Variants in PI4KA observed in about 807,000 individuals in gnomAD.
PI4KA encodes phosphatidylinositol 4-kinase alpha.
PI4KA carries 122 observed loss-of-function variants against 271.4 expected under a neutral mutation model. That is an observed-to-expected ratio of 0.45 (90% confidence interval 0.39 to 0.52). The LOEUF (loss-of-function observed/expected upper bound fraction) is 0.52, where lower values mean the gene tolerates loss of function less well. Among genes scored for constraint, PI4KA ranks in the 20% least tolerant of loss-of-function variants. The pLI, the probability that PI4KA is intolerant of heterozygous loss-of-function variation, is 0.00. For synonymous variants in PI4KA, 1,041 were observed against 1,078.8 expected (o/e 0.96, Z 0.69); for missense variants, 1,969 against 2,769.1 (o/e 0.71, Z 6.48).
At chr22:20,795,311 T>C (rs957348576) in intron 18 of PI4KA, among the ~76,000 whole-genome samples, 5 of 151,874 alleles carry the variant, frequency 3.3e-5, no homozygotes, top group African/African-American at 9.7e-5. Context: ...AAACACCCCC[T>C]TCCCCTTTCT....
intron 23 of PI4KA, among the ~76,000 whole-genome samples, chr22:20,754,047 G>A (rs565675864): frequency 1.3e-5 from 2 of 152,104 alleles, no homozygotes; most frequent in Non-Finnish European, 2.9e-5. Flanking sequence ...TATTACTGGT[G>A]AAGCTAACCT....
At position 20,747,506 on chromosome 22, in the gene PI4KA, C is replaced by T. The variant is rs1930245792; in HGVS notation, c.3363+77G>A. The T allele has an allele frequency of 2.6e-6, 4 of 1,517,194 alleles. No individual in the cohort carries two copies. In the African/African-American group the frequency reaches 5.5e-5, roughly 21 times the overall value. 94.0% of individuals were successfully genotyped at this position (1,517,194 alleles called of 1,614,324 possible). A position where few individuals can be genotyped will look rare whatever the true frequency, so the allele number is the denominator to read the frequency against. ...TCATGTGCGTCATGAAAAGCGACAGCCGAGCTCTAAGCCTTCCCCTGCACT... is the reference window on the plus strand; with the variant it reads ...TCATGTGCGTCATGAAAAGCGACAGTCGAGCTCTAAGCCTTCCCCTGCACT... On this transcript the variant is annotated intron_variant, in intron 29 of 54. Transcript: ENST00000255882.
chr22:20,750,031 G>C, intron 27 of PI4KA, 37 bp from the exon 28 acceptor site: 5 of 1,401,248 alleles, frequency 3.6e-6, no homozygotes, highest in South Asian at 1.2e-5. Flanking sequence ...ACAACCCGAG[G>C]TCAGTTCATC....
intron 32 of PI4KA, among the ~76,000 whole-genome samples, chr22:20,738,658 G>GAGA (rs1253948851): frequency 2.0e-5 from 3 of 152,250 alleles, no homozygotes; most frequent in South Asian, 2.1e-4. Flanking sequence ...TGAGTGGGTG[G>GAGA]AGAAGCCTGA....
Position 20,765,805 on chromosome 22 carries a change from C to CA in PI4KA, c.2329-113dup, listed in dbSNP as rs999286123. The stretch of plus-strand genomic sequence containing the variant: ...TTCTCTAAGAGCATTCTCAGAAACT[C>CA]AGACTGGGTAGGAAAAGGCACACTG... On this transcript the variant is annotated intron_variant, in intron 19 of 54. Transcript: ENST00000255882. 4.4e-5 allele frequency: 31 copies of CA among 698,488 alleles called. No individual in the cohort carries two copies. The African/African-American group carries it at 4.9e-4, about 11-fold the overall frequency. The allele number at this position is 698,488 out of a possible 1,614,324, so 43.3% of individuals were successfully genotyped here.
chr22:20,847,264 A>G (rs1485107644), intron 1 of PI4KA, among the ~76,000 whole-genome samples: 2 of 152,210 alleles, frequency 1.3e-5, no homozygotes, highest in Admixed American at 6.5e-5. Flanking sequence ...CATCCTGCAC[A>G]TGAACCTAAA....
At chr22:20,842,823 A>C (rs865857822) in intron 1 of PI4KA, among the ~76,000 whole-genome samples, 1 of 146,006 alleles carries the variant, frequency 6.8e-6, no homozygotes, top group South Asian at 2.2e-4. Flanking sequence ...TCAAAAAAAA[A>C]AAAAAGGCCG....
In PI4KA at chr22:20,836,708, G is replaced by A. The variant is rs140798378; in HGVS notation, c.273+1907C>T. Among the ~76,000 whole-genome samples, 1,004 of 152,312 alleles carry A rather than the reference G, an allele frequency of 6.6e-3. 2 individuals carry two copies. Among genetic ancestry groups the A allele is most frequent in the Non-Finnish European group, 0.01 (707 of 68,024 alleles). On this transcript the variant is annotated intron_variant, in intron 2 of 54. Transcript: ENST00000255882. ...GTCCCTAGGGCTTTCTCAGGGGGCT[G>A]GCAAAGCATGCTAGGCTTCTCTCCT...
Position 20,730,081 on chromosome 22 carries a change from C to G in PI4KA, c.4289-70G>C. ...AAAAGGTACCACAAAAAATAAACTA[C>G]TATTCACCAGAGATAAAGCAATTAG... On this transcript the variant is annotated intron_variant, in intron 36 of 54. Coordinates refer to ENST00000255882, the MANE Select transcript of PI4KA (RefSeq NM_058004.4). The G allele has an allele frequency of 3.2e-6, 5 of 1,567,534 alleles. 1 individual carries two copies. In the South Asian group the frequency reaches 4.6e-5, roughly 14 times the overall value.
chr22:20,855,388 G>A (rs1348231244), intron 1 of PI4KA, among the ~76,000 whole-genome samples: 2 of 152,028 alleles, frequency 1.3e-5, no homozygotes, highest in Non-Finnish European at 2.9e-5. Flanking sequence ...TAATCAAGTC[G>A]CAAGATCTTA....
intron 19 of PI4KA, among the ~76,000 whole-genome samples, chr22:20,788,845 A>AT (rs1934443983): frequency 2.0e-5 from 3 of 151,970 alleles, no homozygotes; most frequent in Non-Finnish European, 2.9e-5. Context: ...TATATTTCTC[A>AT]TCTTGCTGCA....
At chr22:20,769,693 G>T (rs1932789714) in intron 19 of PI4KA, among the ~76,000 whole-genome samples, 1 of 151,028 alleles carries the variant, frequency 6.6e-6, no homozygotes, top group Admixed American at 6.6e-5. Context: ...ATCAAGGTCA[G>T]GGGGGAAGTG....
At chr22:20,738,076 C>T (rs548137910) in intron 32 of PI4KA, among the ~76,000 whole-genome samples, 37 of 152,282 alleles carry the variant, frequency 2.4e-4, no homozygotes, top group African/African-American at 8.4e-4. Flanking sequence ...GGAGGGCACA[C>T]TTGTCCTCTT....
At chr22:20,734,812 G>A in intron 32 of PI4KA, 1 of 570,470 alleles carries the variant, frequency 1.8e-6, no homozygotes, top group Non-Finnish European at 3.1e-6. Context: ...CAGGTGTGAG[G>A]TGGCAGCACC....
intron 32 of PI4KA, 37 bp downstream of exon 32, chr22:20,742,191 T>C: frequency 6.2e-7 from 1 of 1,607,550 alleles, no homozygotes; most frequent in Non-Finnish European, 8.5e-7. Context: ...TGTTATCCCA[T>C]CCCATCCTCA....
chr22:20,801,914 T>C (rs912993069), intron 14 of PI4KA, 59 bp downstream of exon 14: 2 of 1,578,516 alleles, frequency 1.3e-6, no homozygotes, highest in Non-Finnish European at 1.7e-6. Flanking sequence ...TCTCTTATTT[T>C]GTAATAACCC....
intron 7 of PI4KA, among the ~76,000 whole-genome samples, chr22:20,814,000 T>C (rs1294552515): frequency 3.9e-5 from 6 of 152,178 alleles, no homozygotes; most frequent in Non-Finnish European, 8.8e-5. Context: ...CGTTTCGCCA[T>C]GTTGGCCAGG....
At chr22:20,802,808 G>C (rs758517651) in intron 13 of PI4KA, among the ~76,000 whole-genome samples, 4 of 152,216 alleles carry the variant, frequency 2.6e-5, no homozygotes, top group African/African-American at 7.2e-5. Flanking sequence ...AGAGACACTA[G>C]CACACAGCAG....
chr22:20,779,350 T>C (rs993510496), intron 19 of PI4KA: 2 of 1,614,150 alleles, frequency 1.2e-6, no homozygotes, highest in Non-Finnish European at 1.7e-6. Flanking sequence ...ATTTTCCTCA[T>C]CATAACATCT....
Sources: allele counts gnomAD v4.1 joint callset (sites outside exome capture counted in the v4.1 genomes callset), GRCh38; gene constraint gnomAD v4.1.1; transcripts MANE v1.5; gene names NCBI Gene and HGNC (gene_info 2026-07-23, HGNC 2026-07-21).